Variants in ZZEF1 observed in about 807,000 individuals in gnomAD.
The protein encoded by ZZEF1 is zinc finger ZZ-type and EF-hand domain containing 1.
ZZEF1 carries 157 observed loss-of-function variants against 342.8 expected under a neutral mutation model. That is an observed-to-expected ratio of 0.46 (90% CI 0.40 to 0.52). The LOEUF (loss-of-function observed/expected upper bound fraction) is 0.52, where lower values mean the gene tolerates loss of function less well. Among genes scored for constraint, ZZEF1 ranks in the 20% least tolerant of loss-of-function variants. The probability of loss-of-function intolerance (pLI) is 0.00; values close to 1 mark genes in which losing one functional copy is unlikely to be tolerated. For synonymous variants in ZZEF1, 1,505 were observed against 1,429.1 expected (o/e 1.05, Z -1.20); for missense variants, 3,480 against 3,725.6 (o/e 0.93, Z 1.72).
intron 14 of ZZEF1, 110 bp downstream of exon 14, chr17:4,087,324 A>G: frequency 1.3e-6 from 1 of 747,964 alleles, no homozygotes; most frequent in South Asian, 1.9e-5. Flanking sequence ...ATCGAACCAT[A>G]AACACTGGTA....
At chr17:4,064,926 T>C (rs2057363335) in intron 28 of ZZEF1, 97 bp from the exon 29 acceptor site, 1 of 890,652 alleles carries the variant, frequency 1.1e-6, no homozygotes. Flanking sequence ...ATACCTAATG[T>C]AAATGATGAG....
intron 26 of ZZEF1, among the ~76,000 whole-genome samples, chr17:4,068,373 G>A (rs562736052): frequency 1.7e-4 from 26 of 152,062 alleles, no homozygotes; most frequent in Non-Finnish European, 3.2e-4. Flanking sequence ...TGCCTCCCGG[G>A]TTCAAGCAAT....
chr17:4,126,344 A>G (rs1206963716), intron 1 of ZZEF1, among the ~76,000 whole-genome samples: 1 of 152,130 alleles, frequency 6.6e-6, no homozygotes, highest in African/African-American at 2.4e-5. Flanking sequence ...ATAGTTCAAA[A>G]AAGTCATACT....
At chr17:4,048,073 G>A (rs368355897) in intron 37 of ZZEF1, among the ~76,000 whole-genome samples, 1 of 152,300 alleles carries the variant, frequency 6.6e-6, no homozygotes, top group East Asian at 1.9e-4. Context: ...TGGAAGGTTA[G>A]TTTTAAGATG....
In ZZEF1 at chr17:4,050,944, C is replaced by G. The variant is rs781206858; in HGVS notation, c.5700G>C (p.Trp1900Cys). Residue 1900 changes from tryptophan (W) to cysteine (C), a missense_variant, in exon 36 of 55, where the codon TGG (tryptophan) becomes TGC (cysteine). Trp to Cys is a radical substitution (Grantham distance 215, BLOSUM62 -2). Transcript: ENST00000381638. ...LIQPYIHNYS[W>C]LLFAALALYS... is the part of the protein sequence containing the mutation. ...AGAGAGCCAGGGCAGCAAAGAGCAG[C>G]CAGGAGTAGTTATGGATATATGGCT... is the stretch of plus-strand genomic sequence containing the variant. The G allele has an allele frequency of 2.8e-5, 45 of 1,614,092 alleles. No individual in the cohort carries two copies. Among genetic ancestry groups the G allele is most frequent in the Non-Finnish European group, 3.6e-5 (42 of 1,180,044 alleles).
At chr17:4,089,073 A>G (rs200419213) in intron 12 of ZZEF1, among the ~76,000 whole-genome samples, 180 bp from the exon 13 acceptor site, 1 of 152,228 alleles carries the variant, frequency 6.6e-6, no homozygotes, top group Non-Finnish European at 1.5e-5. Context: ...GAGAAAAAAA[A>G]GACAATACAA....
chr17:4,064,933 T>A (rs1405640852), intron 28 of ZZEF1, 104 bp from the exon 29 acceptor site: 2 of 832,374 alleles, frequency 2.4e-6, no homozygotes, highest in African/African-American at 1.7e-5. Flanking sequence ...ATGTAAATGA[T>A]GAGTTAATGG....
At position 4,085,775 on chromosome 17, in the gene ZZEF1, C is replaced by T. The variant is rs368111201; in HGVS notation, c.2541G>A (p.Val847=). Residue 847 remains valine, a synonymous_variant, in exon 16 of 55, where the codon GTG becomes GTA. Transcript: ENST00000381638. ...CTTCTTGTTTTAGTATCTCCATGGG[C>T]ACAGAGTCTCCATCCACCTTGTCCA... ...DVVDKVDGDS[V]PMEILKQEVR... is the part of the protein sequence containing the mutation. 60 of 1,614,052 alleles carry T rather than the reference C, an allele frequency of 3.7e-5. No homozygotes were observed. The highest frequency in any genetic ancestry group is 2.3e-4 in the Admixed American group (14 of 60,002).
At chr17:4,022,628 T>A in intron 44 of ZZEF1, 81 bp downstream of exon 44, 1 of 1,596,794 alleles carries the variant, frequency 6.3e-7, no homozygotes. Context: ...CAGAAGCAGC[T>A]GGAACTCGGT....
At chr17:4,091,197 G>C (rs1597878112) in intron 11 of ZZEF1, among the ~76,000 whole-genome samples, 2 of 152,308 alleles carry the variant, frequency 1.3e-5, no homozygotes, top group South Asian at 2.1e-4. Context: ...AGGCAGGCTT[G>C]GTTTTCTTTC....
Position 4,017,827 on chromosome 17 carries a change from G to C in ZZEF1, c.7641+9C>G, listed in dbSNP as rs201294922. On this transcript the variant is annotated intron_variant, in intron 47 of 54. Coordinates refer to ENST00000381638, the MANE Select transcript of ZZEF1 (RefSeq NM_015113.4). This position sits in a 1 kb window ranked among gnomAD's most constrained non-coding sequence, Gnocchi z 5.1. The stretch of plus-strand genomic sequence containing the variant: ...GCAGATACTTTGGGTCCGAGGTCGG[G>C]TGACATACCAAGCATGGCAGGATAA... The C allele has an allele frequency of 3.1e-6, 5 of 1,614,150 alleles. No homozygotes were observed. In the African/African-American group the frequency reaches 5.3e-5, roughly 17 times the overall value.
chr17:4,104,865 G>T, intron 7 of ZZEF1, 54 bp from the exon 8 acceptor site: 1 of 1,540,024 alleles, frequency 6.5e-7, no homozygotes, highest in Non-Finnish European at 8.9e-7. Flanking sequence ...AAAAATCCAG[G>T]TAGCTCAAAC....
rs763680615 is a variant in ZZEF1, at chr17:4,016,293, T to A, written c.8145+30A>T. The A allele has an allele frequency of 3.1e-6, 5 of 1,596,952 alleles. No individual in the cohort carries two copies. The highest frequency in any genetic ancestry group is 4.3e-6 in the Non-Finnish European group (5 of 1,174,406). ...GACGAGGTCTCTGCGGCTCAGTCGCTCTTATGGGGCCTGCCGGCCCCAGGC... is the reference window on the plus strand; with the variant it reads ...GACGAGGTCTCTGCGGCTCAGTCGCACTTATGGGGCCTGCCGGCCCCAGGC... On this transcript the variant is annotated intron_variant, in intron 49 of 54. Transcript: ENST00000381638. This position sits in a 1 kb window ranked among gnomAD's most constrained non-coding sequence, Gnocchi z 4.4.
chr17:4,102,401 A>C lies in ZZEF1; in HGVS notation c.1588T>G (p.Leu530Val), dbSNP rs199649323. 14 of 1,613,722 alleles carry C rather than the reference A, an allele frequency of 8.7e-6. No individual in the cohort carries two copies. In the South Asian group the frequency reaches 1.1e-4, roughly 13 times the overall value. Residue 530 changes from leucine to valine, a missense_variant, in exon 9 of 55, where the codon TTG becomes GTG. Around this residue, in one of 5 missense-constraint regions of ZZEF1, gnomAD observed 1,528 missense variants for 1,624.1 expected, o/e 0.94. Transcript: ENST00000381638. ...LLLKYGKPLQ[L>V]TLQACDVKGK... ...TTGACATCACATGCCTGAAGAGTCA[A>C]CTGGAGAGGTTTACCTGACCAAAGA...
At chr17:4,105,556 ACTTTCT>A in intron 7 of ZZEF1, 131 bp downstream of exon 7, 1 of 686,862 alleles carries the variant, frequency 1.5e-6, no homozygotes, top group East Asian at 2.9e-5. Flanking sequence ...CTATTATGTC[ACTTTCT>A]CTTTAGCTGC....
intron 26 of ZZEF1, among the ~76,000 whole-genome samples, chr17:4,068,042 C>CA (rs1335898331): frequency 6.6e-6 from 1 of 152,190 alleles, no homozygotes; most frequent in African/African-American, 2.4e-5. Context: ...TGTGCCCCTG[C>CA]ACTCTAGCCT....
Position 4,109,665 on chromosome 17 carries a change from A to C in ZZEF1, c.1265T>G (p.Leu422Arg). 1 of 1,614,164 alleles carries C rather than the reference A, an allele frequency of 6.2e-7. No individual in the cohort carries two copies. The highest frequency in any genetic ancestry group is 1.1e-5 in the South Asian group (1 of 91,078). The change falls in exon 6 of 55, where the codon CTG becomes CGG. Residue 422 changes from leucine to arginine, a missense_variant. Coordinates refer to ENST00000381638, the MANE Select transcript of ZZEF1 (RefSeq NM_015113.4). ...ETNPAFVQTV[L>R]HNTQKALRHM... is the part of the protein sequence containing the mutation. ...GAGAATGACTTACTGAGTATTGTGC[A>C]GCACTGTCTGGACAAAGGCGGGATT...
At chr17:4,080,328 TTTGTTTTTTG>T (rs1025563106) in intron 18 of ZZEF1, among the ~76,000 whole-genome samples, 18 of 43,294 alleles carry the variant, frequency 4.2e-4, no homozygotes, top group East Asian at 2.4e-3. Context: ...GAATTTTTTT[TTTGTTTTTTG>T]TTTGTTTGTT....
intron 7 of ZZEF1, among the ~76,000 whole-genome samples, chr17:4,105,165 C>A (rs73318800): frequency 6.6e-6 from 1 of 152,188 alleles, no homozygotes; most frequent in African/African-American, 2.4e-5. Flanking sequence ...CACTGAATTA[C>A]ACTTCTTTGC....
Sources: allele counts gnomAD v4.1 joint callset (sites outside exome capture counted in the v4.1 genomes callset), GRCh38; gene constraint gnomAD v4.1.1; regional missense constraint gnomAD v4.1.1; non-coding constraint Gnocchi (gnomAD v3.1); transcripts MANE v1.5; gene names NCBI Gene and HGNC (gene_info 2026-07-23, HGNC 2026-07-21).